Variants in PTPRB observed in about 807,000 individuals in gnomAD.
PTPRB encodes receptor-type tyrosine-protein phosphatase beta.
A neutral mutation model predicts 238.1 loss-of-function variants in PTPRB; 97 were observed. The ratio of observed to expected loss-of-function variants is 0.41; its 90% CI spans 0.35 to 0.48. The LOEUF is 0.48. Ranked by LOEUF, PTPRB falls within the 20% of genes least tolerant of loss-of-function variation. The pLI is 0.30. For synonymous variants in PTPRB, 970 were observed against 995.4 expected (o/e 0.97, Z 0.48); for missense variants, 2,292 against 2,681.9 (o/e 0.85, Z 3.21).
chr12:70,559,713 T>G (rs1456544943), intron 17 of PTPRB, 89 bp from the exon 18 acceptor site: 26 of 1,224,340 alleles, frequency 2.1e-5, no homozygotes, highest in Non-Finnish European at 2.5e-5. Flanking sequence ...CAGACACACT[T>G]TTAATGTACT....
chr12:70,579,975 A>G (rs1185696305), intron 10 of PTPRB, among the ~76,000 whole-genome samples: 2 of 152,034 alleles, frequency 1.3e-5, no homozygotes, highest in Non-Finnish European at 2.9e-5. Flanking sequence ...TCCAACTTAA[A>G]ATAATTATAT....
At chr12:70,532,341 C>T (rs1050645033) in intron 31 of PTPRB, among the ~76,000 whole-genome samples, 171 bp from the exon 32 acceptor site, 3 of 151,480 alleles carry the variant, frequency 2.0e-5, no homozygotes, top group Admixed American at 6.6e-5. Context: ...CCCACCCCCC[C>T]ACAGCCTTCT....
At chr12:70,554,039 TTAAGTC>T (rs1164932918) in intron 20 of PTPRB, among the ~76,000 whole-genome samples, 3 of 152,230 alleles carry the variant, frequency 2.0e-5, no homozygotes, top group Non-Finnish European at 2.9e-5. Flanking sequence ...TGCAGTCTAA[TTAAGTC>T]TAAAGTCTTT....
At chr12:70,533,437 A>G (rs1449345292) in intron 31 of PTPRB, among the ~76,000 whole-genome samples, 1 of 152,172 alleles carries the variant, frequency 6.6e-6, no homozygotes. Context: ...AGGGCTATCA[A>G]AATGTTGCTG....
chr12:70,526,967 A>G (rs1872536577), intron 32 of PTPRB, among the ~76,000 whole-genome samples: 1 of 152,230 alleles, frequency 6.6e-6, no homozygotes, highest in Non-Finnish European at 1.5e-5. Flanking sequence ...TTTGAAAATG[A>G]TTACTACTAA....
At position 70,552,901 on chromosome 12, in the gene PTPRB, G is replaced by T. The variant is rs769664975; in HGVS notation, c.5263C>A (p.Pro1755Thr). 6.2e-7 allele frequency: 1 copy of T among 1,613,954 alleles called. No individual in the cohort carries two copies. The highest frequency in any genetic ancestry group is 8.5e-7 in the Non-Finnish European group (1 of 1,179,876). ...TTAAAACTCTTGGAGTTGCTGTTAG[G>T]ATTTTCGGCACATTTGCTGGCAAAA... ...NYFASKCAEN[P>T]NSNSKSFNIK... Residue 1755 changes from proline (P) to threonine (T), a missense_variant, in exon 21 of 34, where the codon CCT becomes ACT. Coordinates refer to ENST00000334414, the MANE Select transcript of PTPRB (RefSeq NM_001109754.4).
At position 70,560,280 on chromosome 12, in the gene PTPRB, A is replaced by G. The variant is rs1878318834; in HGVS notation, c.4432+391T>C. On this transcript the variant is annotated intron_variant, in intron 17 of 33. Coordinates refer to ENST00000334414, the MANE Select transcript of PTPRB (RefSeq NM_001109754.4). The surrounding 1 kb of genome is among the most constrained non-coding windows in gnomAD (Gnocchi z 4.2). ...GGTACAGGGCTGACGTCCACAGACAATTATGTTCAGTTGCAGATAGCCTTG... is the reference window on the plus strand; with the variant it reads ...GGTACAGGGCTGACGTCCACAGACAGTTATGTTCAGTTGCAGATAGCCTTG... Among the ~76,000 whole-genome samples, 1 of 152,192 alleles carries G rather than the reference A, an allele frequency of 6.6e-6. No individual in the cohort carries two copies. Among genetic ancestry groups the G allele is most frequent in the Non-Finnish European group, 1.5e-5 (1 of 68,036 alleles).
intron 26 of PTPRB, chr12:70,539,252 A>G (rs994429064): frequency 3.6e-6 from 2 of 560,864 alleles, no homozygotes. Flanking sequence ...AGGTCACCCA[A>G]GTGGCAAACC....
Position 70,560,741 on chromosome 12 carries a change from C to T in PTPRB, c.4362G>A (p.Arg1454=). 6.2e-7 allele frequency: 1 copy of T among 1,613,998 alleles called. No individual in the cohort carries two copies. The highest frequency in any genetic ancestry group is 8.5e-7 in the Non-Finnish European group (1 of 1,179,890). ...EWRFQGLVPG[R]KYVLWVVTHS... is the part of the protein sequence containing the mutation. Reference sequence around the variant, plus strand: ...GAGTTACCACCCACAGCACGTACTTCCTTCCAGGAACAAGGCCTTGAAACC... The same window carrying T: ...GAGTTACCACCCACAGCACGTACTTTCTTCCAGGAACAAGGCCTTGAAACC... Residue 1454 remains arginine, a synonymous_variant, in exon 17 of 34, where the codon AGG becomes AGA. Transcript: ENST00000334414. This position sits in a 1 kb window ranked among gnomAD's most constrained non-coding sequence, Gnocchi z 4.2.
At chr12:70,613,659 G>A (rs1442380901) in intron 3 of PTPRB, among the ~76,000 whole-genome samples, 1 of 152,130 alleles carries the variant, frequency 6.6e-6, no homozygotes, top group Non-Finnish European at 1.5e-5. Flanking sequence ...AATCATTTAT[G>A]TATTTGTGTG....
chr12:70,601,334 C>T (rs1040336582), intron 4 of PTPRB, among the ~76,000 whole-genome samples: 5 of 151,372 alleles, frequency 3.3e-5, no homozygotes, highest in Non-Finnish European at 7.4e-5. Flanking sequence ...TCCATGATTG[C>T]CAAATAATCT....
Position 70,521,187 on chromosome 12 carries a change from AG to A in PTPRB, c.*301del, listed in dbSNP as rs1243724346. On this transcript the variant is annotated 3_prime_UTR_variant, in exon 34 of 34. Transcript: ENST00000334414. The stretch of plus-strand genomic sequence containing the variant: ...CATTTTACCAGTAGTCCTGTCATAC[AG>A]GTTGAATTAGTTTTATGTAGAACAA... The A allele has an allele frequency of 3.9e-6, 1 of 253,984 alleles. No individual in the cohort carries two copies. Among genetic ancestry groups the A allele is most frequent in the African/African-American group, 2.2e-5 (1 of 44,912 alleles). 15.7% of individuals were successfully genotyped at this position (253,984 alleles called of 1,614,324 possible). A position where few individuals can be genotyped will look rare whatever the true frequency, so the allele number is the denominator to read the frequency against.
chr12:70,540,135 C>A, intron 23 of PTPRB, 113 bp from the exon 24 acceptor site: 1 of 907,196 alleles, frequency 1.1e-6, no homozygotes, highest in South Asian at 1.7e-5. Flanking sequence ...TTTCAGTATT[C>A]ATACAGATTT....
intron 3 of PTPRB, among the ~76,000 whole-genome samples, chr12:70,613,799 A>G (rs1213334776): frequency 2.0e-5 from 3 of 152,152 alleles, no homozygotes; most frequent in Non-Finnish European, 2.9e-5. Context: ...AGCTTAGTAA[A>G]TATTGTTACA....
rs553896351 is a variant in PTPRB at position 70,597,025 on chromosome 12, C to T, written c.980-698G>A. 3.3e-5 allele frequency among the ~76,000 whole-genome samples: 5 copies of T among 151,980 alleles called. No homozygotes were observed. The South Asian group carries it at 1.0e-3, about 32-fold the overall frequency. On this transcript the variant is annotated intron_variant, in intron 4 of 33. Transcript: ENST00000334414. ...CTCCGCCTCCCGGGTTCAAGCAATT[C>T]TTCTGCCTCAGTTTCCCGAGTAGCT...
At chr12:70,576,346 G>T in intron 11 of PTPRB, 36 bp downstream of exon 11, 1 of 1,599,066 alleles carries the variant, frequency 6.3e-7, no homozygotes, top group African/African-American at 1.3e-5. Flanking sequence ...ATGTGAATTG[G>T]TTCTTACGGA....
intron 2 of PTPRB, among the ~76,000 whole-genome samples, chr12:70,630,983 C>T (rs541917048): frequency 1.4e-4 from 22 of 152,200 alleles, no homozygotes; most frequent in African/African-American, 4.6e-4. Context: ...GAATCAATAT[C>T]GTGAAAATGG....
chr12:70,616,991 G>A (rs1198149587), intron 3 of PTPRB, among the ~76,000 whole-genome samples: 7 of 152,170 alleles, frequency 4.6e-5, no homozygotes, highest in Admixed American at 4.6e-4. Context: ...GTATACCTGA[G>A]TTACAAATTC....
At chr12:70,583,342 G>A (rs761294697) in intron 9 of PTPRB, among the ~76,000 whole-genome samples, 1 of 152,106 alleles carries the variant, frequency 6.6e-6, no homozygotes, top group Non-Finnish European at 1.5e-5. Context: ...AAATGTAAAT[G>A]AATGACTTGT....
Sources: allele counts gnomAD v4.1 joint callset (sites outside exome capture counted in the v4.1 genomes callset), GRCh38; gene constraint gnomAD v4.1.1; non-coding constraint Gnocchi (gnomAD v3.1); transcripts MANE v1.5; gene names NCBI Gene and HGNC (gene_info 2026-07-23, HGNC 2026-07-21).